SLC5A6: variants seen among roughly 807,000 people sequenced by gnomAD.
SLC5A6 encodes the protein solute carrier family 5 member 6, also known as sodium-dependent multivitamin transporter.
In SLC5A6, 31 loss-of-function variants were observed where a neutral mutation model predicts 67.9. The observed-to-expected ratio is 0.46, with a 90% CI of 0.34 to 0.62. The LOEUF is 0.62. SLC5A6 is among the 20% of genes least tolerant of loss of function. The pLI is 0.01. For synonymous variants in SLC5A6, 343 were observed against 331.0 expected (o/e 1.04, Z -0.39); for missense variants, 673 against 812.8 (o/e 0.83, Z 2.09).
At position 27,203,751 on chromosome 2, in the gene SLC5A6, G is replaced by A. The variant is rs750563448; in HGVS notation, c.1094+28C>T. ...ACCAAATAGGGGTCAGGTGCACCAGGCCTGAGGGAAATCGTTAAAGTGGGT... is the reference window on the plus strand; with the variant it reads ...ACCAAATAGGGGTCAGGTGCACCAGACCTGAGGGAAATCGTTAAAGTGGGT... On this transcript the variant is annotated intron_variant, in intron 10 of 16. Coordinates refer to ENST00000310574, the MANE Select transcript of SLC5A6 (RefSeq NM_021095.4). The A allele has an allele frequency of 1.9e-6, 3 of 1,552,034 alleles. No homozygotes were observed. The Admixed American group carries it at 5.0e-5, about 26-fold the overall frequency.
upstream of SLC5A6, chr2:27,212,717 G>C (rs536732085): frequency 1.2e-5 from 15 of 1,224,714 alleles, no homozygotes; most frequent in Non-Finnish European, 1.6e-5. Context: ...ATAACTTTAA[G>C]TTCTTTCTAC....
At chr2:27,203,953 C>T (rs1026035814) in intron 9 of SLC5A6, 86 bp from the exon 10 acceptor site, 3 of 954,242 alleles carry the variant, frequency 3.1e-6, no homozygotes, top group South Asian at 2.8e-5. Context: ...TTTACATGTG[C>T]CCCAGCGAGT....
chr2:27,202,672 A>G, intron 12 of SLC5A6, 141 bp downstream of exon 12: 1 of 788,404 alleles, frequency 1.3e-6, no homozygotes. Context: ...GTCTGTTCAC[A>G]GTAAAGACGG....
upstream of SLC5A6, chr2:27,212,413 G>C: frequency 6.4e-7 from 1 of 1,553,556 alleles, no homozygotes; most frequent in Non-Finnish European, 8.7e-7. Context: ...TGGTGCCCTG[G>C]GCTGCCGCCC....
At chr2:27,202,125 G>A in intron 12 of SLC5A6, 51 bp from the exon 13 acceptor site, 1 of 1,308,982 alleles carries the variant, frequency 7.6e-7, no homozygotes, top group Non-Finnish European at 1.1e-6. Flanking sequence ...ACTCAGAGAT[G>A]CCCAGACTCA....
upstream of SLC5A6, chr2:27,212,318 G>A (rs201210592): frequency 2.0e-4 from 311 of 1,549,188 alleles, 3 homozygotes; most frequent in Non-Finnish European, 1.3e-5. Context: ...GCTGCGGGGC[G>A]GGGCCGCGGG....
Position 27,199,921 on chromosome 2 carries a change from A to G in SLC5A6, c.*515T>C, listed in dbSNP as rs1325949456. 6.5e-6 allele frequency: 1 copy of G among 153,332 alleles called. No individual in the cohort carries two copies. Among genetic ancestry groups the G allele is most frequent in the African/African-American group, 2.4e-5 (1 of 41,456 alleles). 9.5% of individuals were successfully genotyped at this position (153,332 alleles called of 1,614,324 possible). On this transcript the variant is annotated 3_prime_UTR_variant, in exon 17 of 17. Transcript: ENST00000310574. ...TCTTCAGAATGGAGGTAGACAGATA[A>G]AAATGAGAGGGGCTTGAGTGTCACA...
rs566477050 is a variant in SLC5A6, at chr2:27,209,176, G to A, written c.-140-1386C>T. Among the ~76,000 whole-genome samples the A allele has an allele frequency of 2.6e-4, 39 of 152,304 alleles. No individual in the cohort carries two copies. In the South Asian group the frequency reaches 7.9e-3, roughly 31 times the overall value. On this transcript the variant is annotated intron_variant, in intron 2 of 16. Transcript: ENST00000310574. ...AAGCACAGAGCCGACTATTGTCAGA[G>A]CATAAATTAGAACCCAGGTCTAGGG...
chr2:27,203,624 A>C (rs1457230276), intron 10 of SLC5A6, among the ~76,000 whole-genome samples, 155 bp downstream of exon 10: 6 of 152,228 alleles, frequency 3.9e-5, no homozygotes, highest in African/African-American at 1.4e-4. Flanking sequence ...GTGGCCTACA[A>C]AGATGAGCTA....
intron 12 of SLC5A6, 34 bp from the exon 13 acceptor site, chr2:27,202,108 AAC>A (rs751591342): frequency 9.3e-6 from 14 of 1,505,314 alleles, no homozygotes; most frequent in Admixed American, 5.0e-5. Flanking sequence ...AAGGAAAAAG[AAC>A]ACAGACTCAG....
At chr2:27,212,318 G>GGGGCC (rs1558518465), upstream of SLC5A6, 2 of 1,549,188 alleles carry the variant, frequency 1.3e-6, no homozygotes, top group East Asian at 2.4e-5. Flanking sequence ...GCTGCGGGGC[G>GGGGCC]GGGCCGCGGG....
In SLC5A6 at chr2:27,203,270, G is replaced by A. The variant is rs778910867; in HGVS notation, c.1170C>T (p.Phe390=). 9 of 1,614,130 alleles carry A rather than the reference G, an allele frequency of 5.6e-6. No homozygotes were observed. Among genetic ancestry groups the A allele is most frequent in the Non-Finnish European group, 7.6e-6 (9 of 1,180,010 alleles). The change falls in exon 11 of 17, where the codon TTC becomes TTT. Residue 390 remains phenylalanine (F), a synonymous_variant. Coordinates refer to ENST00000310574, the MANE Select transcript of SLC5A6 (RefSeq NM_021095.4). The part of the protein sequence containing the change: ...EDLIRPWFPE[F]SEARAIMLSR... ...AAAGCATGATGGCCCGGGCTTCAGAGAACTCAGGGAACCAAGGTCGAATCA... is the reference window on the plus strand; with the variant it reads ...AAAGCATGATGGCCCGGGCTTCAGAAAACTCAGGGAACCAAGGTCGAATCA...
At position 27,210,186 on chromosome 2, in the gene SLC5A6, C is replaced by A. The variant is rs575577186; in HGVS notation, c.-141+1281G>T. ...GCTGATGGGACTTCCTGATAAAATTCTATTTGCATGATGTATGGAGAATTC... is the reference window on the plus strand; with the variant it reads ...GCTGATGGGACTTCCTGATAAAATTATATTTGCATGATGTATGGAGAATTC... On this transcript the variant is annotated intron_variant, in intron 2 of 16. Coordinates refer to ENST00000310574, the MANE Select transcript of SLC5A6 (RefSeq NM_021095.4). Among the ~76,000 whole-genome samples, 5 of 152,280 alleles carry A rather than the reference C, an allele frequency of 3.3e-5. No homozygotes were observed. The South Asian group carries it at 8.3e-4, about 25-fold the overall frequency.
At chr2:27,204,082 C>T (rs886172290) in intron 9 of SLC5A6, among the ~76,000 whole-genome samples, 25 of 152,142 alleles carry the variant, frequency 1.6e-4, no homozygotes, top group Admixed American at 1.6e-3. Context: ...CACAATTCGC[C>T]CGCAGCTCTG....
rs368029283 is a variant in SLC5A6, at chr2:27,206,843, C to T, written c.459+34G>A. On this transcript the variant is annotated intron_variant, in intron 4 of 16. Transcript: ENST00000310574. The stretch of plus-strand genomic sequence containing the variant: ...GCTTGCGTTCAGGTCCCCCAACATG[C>T]CCTAGGCTCGGTTTCTATCCTCATT... 1.5e-5 allele frequency: 23 copies of T among 1,541,310 alleles called. No individual in the cohort carries two copies. In the Middle Eastern group the frequency reaches 1.4e-3, roughly 91 times the overall value.
intron 2 of SLC5A6, 136 bp downstream of exon 2, chr2:27,211,331 G>C (rs1035576069): frequency 6.6e-6 from 1 of 152,238 alleles, no homozygotes; most frequent in Non-Finnish European, 1.5e-5. Context: ...TCGGCTACTC[G>C]AGATGATCAC....
At chr2:27,206,649 C>T (rs1674089812) in intron 4 of SLC5A6, 115 bp from the exon 5 acceptor site, 8 of 1,038,092 alleles carry the variant, frequency 7.7e-6, no homozygotes, top group South Asian at 2.6e-5. Context: ...GGCTCACTTC[C>T]CTCTTCCTTC....
Position 27,205,426 on chromosome 2 carries a change from CAAT to C in SLC5A6, c.655_657del (p.Ile219del), listed in dbSNP as rs1280388937. ...AAGCCGCCCACCTTGGCTGACCCCACAATGATAACTGCCAGCTGCCCGAGGAAC... is the reference window on the plus strand; with the variant it reads ...AAGCCGCCCACCTTGGCTGACCCCACGATAACTGCCAGCTGCCCGAGGAAC... On this transcript the variant is annotated inframe_deletion, in exon 7 of 17. Transcript: ENST00000310574. 2.5e-6 allele frequency: 4 copies of C among 1,614,108 alleles called. No individual in the cohort carries two copies. Among genetic ancestry groups the C allele is most frequent in the Admixed American group, 1.7e-5 (1 of 60,024 alleles).
intron 8 of SLC5A6, 36 bp downstream of exon 8, chr2:27,204,755 G>A: frequency 6.2e-7 from 1 of 1,613,434 alleles, no homozygotes; most frequent in Non-Finnish European, 8.5e-7. Context: ...CCTTCCCCTA[G>A]ACCTTGCTCC....
Sources: gnomAD v4.1 joint callset for allele counts (sites outside exome capture counted in the v4.1 genomes callset) on GRCh38, gnomAD v4.1.1 for gene constraint, MANE v1.5 for transcripts, NCBI Gene and HGNC (gene_info 2026-07-23, HGNC 2026-07-21) for gene names.